GGACT: variants seen among roughly 807,000 people sequenced by gnomAD.
GGACT encodes the protein gamma-glutamylaminecyclotransferase.
For missense variants in GGACT, 241 were observed against 233.2 expected, an observed-to-expected ratio of 1.03 and a Z score of -0.22; for synonymous variants, 118 against 115.3, an observed-to-expected ratio of 1.02 and a Z score of -0.15.
rs570991034 is a variant in GGACT at position 100,550,193 on chromosome 13, G to A, written c.-10-17592C>T. Among the ~76,000 whole-genome samples, 4 of 152,172 alleles carry A rather than the reference G, an allele frequency of 2.6e-5. No homozygotes were observed. The South Asian group carries it at 6.2e-4, about 24-fold the overall frequency. On this transcript the variant is annotated intron_variant, in intron 2 of 2. Coordinates refer to ENST00000683975, the MANE Select transcript of GGACT (RefSeq NM_001195087.2). ...CCACTGTGTGCTGGCCGGACAGCCT[G>A]AATTCTGAGGCCAAAACTTCCAGAA...
chr13:100,563,138 A>G (rs1288260027), intron 2 of GGACT, among the ~76,000 whole-genome samples: 1 of 152,218 alleles, frequency 6.6e-6, no homozygotes, highest in Non-Finnish European at 1.5e-5. Flanking sequence ...ACTTGGTTGT[A>G]GCAACCCTAG....
chr13:100,550,337 CA>C lies in GGACT; in HGVS notation c.-10-17737del, dbSNP rs1566532471. 2.9e-3 allele frequency among the ~76,000 whole-genome samples: 389 copies of C among 133,378 alleles called. 44 individuals are homozygous for C. Among genetic ancestry groups the C allele is most frequent in the South Asian group, 0.017 (66 of 3,808 alleles). 87.5% of individuals were successfully genotyped at this position (133,378 alleles called of 152,430 possible). A position where few individuals can be genotyped will look rare whatever the true frequency, so the allele number is the denominator to read the frequency against. On this transcript the variant is annotated intron_variant, in intron 2 of 2. Transcript: ENST00000683975. ...ACACACACACACACACACACACACA[CA>C]CACACACACACACACACCACTGGCC...
intron 2 of GGACT, among the ~76,000 whole-genome samples, chr13:100,576,294 A>G (rs1344268841): frequency 6.6e-6 from 1 of 152,236 alleles, no homozygotes; most frequent in Non-Finnish European, 1.5e-5. Context: ...AATTGATAAC[A>G]TGAGATGCTG....
intron 2 of GGACT, among the ~76,000 whole-genome samples, chr13:100,544,982 C>G (rs893632864): frequency 2.0e-5 from 3 of 152,254 alleles, no homozygotes; most frequent in Non-Finnish European, 2.9e-5. Context: ...GTGCTGCCAG[C>G]CCCTGCTGCC....
intron 2 of GGACT, among the ~76,000 whole-genome samples, chr13:100,576,682 T>G (rs1875256673): frequency 6.6e-6 from 1 of 152,238 alleles, no homozygotes; most frequent in South Asian, 2.1e-4. Context: ...TTATATCATT[T>G]CATTTACATG....
intron 2 of GGACT, among the ~76,000 whole-genome samples, chr13:100,563,492 A>C (rs2088783597): frequency 6.6e-6 from 1 of 152,190 alleles, no homozygotes; most frequent in Non-Finnish European, 1.5e-5. Context: ...TCAATAAAAA[A>C]ACCTCTAAAT....
intron 2 of GGACT, among the ~76,000 whole-genome samples, chr13:100,573,842 A>T (rs891027151): frequency 6.6e-6 from 1 of 151,422 alleles, no homozygotes; most frequent in Non-Finnish European, 1.5e-5. Context: ...AACCACAATG[A>T]GATACCATCT....
rs922694302 is a variant in GGACT, at chr13:100,532,457, C to T, written c.135G>A (p.Ala45=). Residue 45 remains alanine (A), a synonymous_variant, in exon 3 of 3, where the codon GCG becomes GCA. Coordinates refer to ENST00000683975, the MANE Select transcript of GGACT (RefSeq NM_001195087.2). Reference sequence around the variant, plus strand: ...GCAGCCACGGGATGTTGTGCTCCCCCGCGATCACCAACGGGTAGGGCTCCA... The same window carrying T: ...GCAGCCACGGGATGTTGTGCTCCCCTGCGATCACCAACGGGTAGGGCTCCA... ...RTLEPYPLVI[A]GEHNIPWLLH... 5.2e-6 allele frequency: 8 copies of T among 1,549,636 alleles called. No homozygotes were observed. In the Admixed American group the frequency reaches 1.2e-4, roughly 23 times the overall value.
rs2088428614 is a variant in GGACT, at chr13:100,532,604, G to A, written c.-10-3C>T. 3 of 1,524,768 alleles carry A rather than the reference G, an allele frequency of 2.0e-6. No individual in the cohort carries two copies. In the East Asian group the frequency reaches 7.4e-5, roughly 38 times the overall value. The allele number at this position is 1,524,768 out of a possible 1,614,324, so 94.5% of individuals were successfully genotyped here. On this transcript the variant is annotated splice_polypyrimidine_tract_variant and splice_region_variant and intron_variant, in intron 2 of 2. Coordinates refer to ENST00000683975, the MANE Select transcript of GGACT (RefSeq NM_001195087.2). Reference sequence around the variant, plus strand: ...AGACTAGGGCCATCCGGGCAGAGCTGCAGGGAGAGGGGAAGTCACAGGTCA... The same window carrying A: ...AGACTAGGGCCATCCGGGCAGAGCTACAGGGAGAGGGGAAGTCACAGGTCA...
intron 2 of GGACT, among the ~76,000 whole-genome samples, chr13:100,558,444 T>G (rs535469115): frequency 6.6e-6 from 1 of 152,230 alleles, no homozygotes; most frequent in Admixed American, 6.5e-5. Flanking sequence ...GAAATGCAAA[T>G]AAAAACCACA....
In GGACT at chr13:100,532,514, G is replaced by C; in HGVS notation, c.78C>G (p.Gly26=). The change falls in exon 3 of 3, where the codon GGC becomes GGG. Residue 26 remains glycine (G), a synonymous_variant. Coordinates refer to ENST00000683975, the MANE Select transcript of GGACT (RefSeq NM_001195087.2). ...GGCCGCGCGCCCGAAAGGCTGCGGA[G>C]CCGTGGGCGCCGTCCCGCAGGACCC... ...NHRVLRDGAH[G]SAAFRARGRT... The C allele has an allele frequency of 6.5e-7, 1 of 1,548,370 alleles. No homozygotes were observed. The highest frequency in any genetic ancestry group is 8.7e-7 in the Non-Finnish European group (1 of 1,145,852).
At chr13:100,583,659 G>A (rs1486420019) in intron 2 of GGACT, among the ~76,000 whole-genome samples, 166 bp downstream of exon 2, 1 of 152,044 alleles carries the variant, frequency 6.6e-6, no homozygotes, top group African/African-American at 2.4e-5. Context: ...GCCTCCTAAA[G>A]TGCTGGAATT....
At chr13:100,562,392 T>C (rs1483305560) in intron 2 of GGACT, among the ~76,000 whole-genome samples, 1 of 152,140 alleles carries the variant, frequency 6.6e-6, no homozygotes, top group African/African-American at 2.4e-5. Context: ...GCCTGGCACC[T>C]CACGCAGTAC....
At chr13:100,577,621 CA>C (rs1875291195) in intron 2 of GGACT, among the ~76,000 whole-genome samples, 1 of 151,908 alleles carries the variant, frequency 6.6e-6, no homozygotes, top group South Asian at 2.1e-4. Context: ...TAGAAACAAG[CA>C]AACAAAAGTC....
At position 100,543,197 on chromosome 13, in the gene GGACT, C is replaced by CTTTTTTTTTTTTTTTTTTTTTT. The variant is rs147710327; in HGVS notation, c.-10-10618_-10-10597dup. Among the ~76,000 whole-genome samples the CTTTTTTTTTTTTTTTTTTTTTT allele has an allele frequency of 7.2e-5, 5 of 69,892 alleles. 1 individual carries two copies. The highest frequency in any genetic ancestry group is 1.9e-4 in the African/African-American group (3 of 16,172). 45.9% of individuals were successfully genotyped at this position (69,892 alleles called of 152,430 possible). Reference sequence around the variant, plus strand: ...CAAAAGGATTTTAAAAAGACACCAGCTTTTTTTTTTTTTTTTTTTTTTTTT... The same window carrying CTTTTTTTTTTTTTTTTTTTTTT: ...CAAAAGGATTTTAAAAAGACACCAGCTTTTTTTTTTTTTTTTTTTTTTTTTTTTTTTTTTTTTTTTTTTTTTT... On this transcript the variant is annotated intron_variant, in intron 2 of 2. Coordinates refer to ENST00000683975, the MANE Select transcript of GGACT (RefSeq NM_001195087.2).
At chr13:100,583,665 G>A (rs922772266) in intron 2 of GGACT, among the ~76,000 whole-genome samples, 160 bp downstream of exon 2, 3 of 152,190 alleles carry the variant, frequency 2.0e-5, no homozygotes, top group Non-Finnish European at 1.5e-5. Context: ...TAAAGTGCTG[G>A]AATTACAGTA....
intron 2 of GGACT, among the ~76,000 whole-genome samples, chr13:100,580,412 C>T (rs775995333): frequency 3.9e-5 from 6 of 152,180 alleles, no homozygotes; most frequent in Admixed American, 6.5e-5. Flanking sequence ...GGGAGGTGTG[C>T]GACCACTTGC....
intron 2 of GGACT, among the ~76,000 whole-genome samples, chr13:100,558,689 T>C (rs1452842933): frequency 6.6e-6 from 1 of 152,138 alleles, no homozygotes; most frequent in Non-Finnish European, 1.5e-5. Flanking sequence ...CATAAAGACC[T>C]GTACATGACT....
chr13:100,580,382 T>A (rs1875379297), intron 2 of GGACT, among the ~76,000 whole-genome samples: 1 of 152,122 alleles, frequency 6.6e-6, no homozygotes. Flanking sequence ...GAGGGGGCCA[T>A]GTGAAGACAC....
Sources: gnomAD v4.1 joint callset for allele counts (sites outside exome capture counted in the v4.1 genomes callset) on GRCh38, gnomAD v4.1.1 for gene constraint, MANE v1.5 for transcripts, NCBI Gene and HGNC (gene_info 2026-07-23, HGNC 2026-07-21) for gene names.